The following SLC30A7 variants were observed in gnomAD, a reference collection of about 807,000 sequenced individuals.
SLC30A7 encodes the protein solute carrier family 30 member 7.
In SLC30A7, 35 loss-of-function variants were observed where a neutral mutation model predicts 46.0. The ratio of observed to expected loss-of-function variants is 0.76; its 90% CI spans 0.58 to 1.01. The LOEUF (loss-of-function observed/expected upper bound fraction) is 1.01. Among genes scored for constraint, SLC30A7 ranks in the 50% least tolerant of loss-of-function variants. SLC30A7 has a pLI of 0.00. For missense variants in SLC30A7, 464 were observed against 451.1 expected, an observed-to-expected ratio of 1.03 and a Z score of -0.26; for synonymous variants, 147 against 157.8, an observed-to-expected ratio of 0.93 and a Z score of 0.51.
chr1:100,896,489 G>A, intron 1 of SLC30A7, 81 bp from the exon 2 acceptor site: 1 of 1,434,734 alleles, frequency 7.0e-7, no homozygotes, highest in Non-Finnish European at 9.8e-7. Context: ...GAACTGGGAG[G>A]GTCTTGAAGA....
intron 6 of SLC30A7, among the ~76,000 whole-genome samples, chr1:100,914,409 A>G (rs1203259260): frequency 6.6e-6 from 1 of 152,182 alleles, no homozygotes; most frequent in Non-Finnish European, 1.5e-5. Flanking sequence ...GGAAATGAAA[A>G]TCATAATTTT....
chr1:100,995,193 T>C, the SLC30A7 span: 1 of 1,381,152 alleles, frequency 7.2e-7, no homozygotes, highest in Non-Finnish European at 1.0e-6. Context: ...TTAAAAGCTT[T>C]ATCCAAAACC....
intron 5 of SLC30A7, 140 bp from the exon 6 acceptor site, chr1:100,913,523 T>C (rs532343648): frequency 2.1e-5 from 14 of 655,568 alleles, no homozygotes; most frequent in Non-Finnish European, 3.7e-5. Flanking sequence ...TTTTAACAAA[T>C]GTGTAACACT....
Position 100,896,619 on chromosome 1 carries a change from C to G in SLC30A7, c.130C>G (p.Leu44Val), listed in dbSNP as rs1650960858. The G allele has an allele frequency of 1.2e-6, 2 of 1,614,140 alleles. No homozygotes were observed. The highest frequency in any genetic ancestry group is 4.5e-5 in the East Asian group (2 of 44,882). ...TSRNLFFFLC[L>V]NLSFAFVELL... ...CCGGAACCTGTTTTTCTTCCTGTGC[C>G]TGAACCTCTCTTTCGCTTTTGTGGA... The change falls in exon 2 of 11, where the codon CTG becomes GTG. Residue 44 changes from leucine to valine, a missense_variant. Coordinates refer to ENST00000357650, the MANE Select transcript of SLC30A7 (RefSeq NM_133496.5).
At chr1:100,924,512 C>T (rs1448367411) in intron 8 of SLC30A7, among the ~76,000 whole-genome samples, 4 of 152,244 alleles carry the variant, frequency 2.6e-5, no homozygotes, top group African/African-American at 7.2e-5. Flanking sequence ...GATTCTCTAC[C>T]TCCCAGGCTG....
intron 3 of SLC30A7, among the ~76,000 whole-genome samples, chr1:100,908,361 A>G (rs887211863): frequency 1.3e-5 from 2 of 152,200 alleles, no homozygotes; most frequent in Admixed American, 6.5e-5. Flanking sequence ...AAATGATCTA[A>G]TGATGTAAAA....
At chr1:100,933,257 A>C (rs1439303679) in intron 8 of SLC30A7, among the ~76,000 whole-genome samples, 1 of 151,956 alleles carries the variant, frequency 6.6e-6, no homozygotes, top group East Asian at 1.9e-4. Context: ...TACAGGTGTG[A>C]GCCACCGTGC....
chr1:100,925,088 TTTAAA>T (rs2101037401), intron 8 of SLC30A7, among the ~76,000 whole-genome samples: 2 of 152,378 alleles, frequency 1.3e-5, no homozygotes, highest in South Asian at 4.1e-4. Context: ...GAGTTGCCAC[TTTAAA>T]TTGAGTAGAT....
intron 3 of SLC30A7, 56 bp from the exon 4 acceptor site, chr1:100,911,007 A>G: frequency 3.6e-6 from 5 of 1,373,810 alleles, no homozygotes; most frequent in Non-Finnish European, 5.1e-6. Flanking sequence ...TAATTTTACG[A>G]TTTAATTTTT....
At position 100,965,846 on chromosome 1, in the gene SLC30A7, C is replaced by T. The variant is rs1171180091; in HGVS notation, c.1011C>T (p.Thr337=). Reference sequence around the variant, plus strand: ...TATGTTCTGACGTTTATGTTGGGACCTTGAAATTAATAGTAGCACCTGATG... The same window carrying T: ...TATGTTCTGACGTTTATGTTGGGACTTTGAAATTAATAGTAGCACCTGATG... ...WTLCSDVYVG[T]LKLIVAPDAD... is the part of the protein sequence containing the mutation. Residue 337 remains threonine (T), a synonymous_variant, in exon 10 of 11, where the codon ACC becomes ACT. Coordinates refer to ENST00000357650, the MANE Select transcript of SLC30A7 (RefSeq NM_133496.5). 1 of 1,613,796 alleles carries T rather than the reference C, an allele frequency of 6.2e-7. No individual in the cohort carries two copies. Among genetic ancestry groups the T allele is most frequent in the Non-Finnish European group, 8.5e-7 (1 of 1,179,790 alleles).
At position 100,918,109 on chromosome 1, in the gene SLC30A7, A is replaced by G; in HGVS notation, c.688A>G (p.Ser230Gly). Residue 230 changes from serine to glycine, a missense_variant, in exon 7 of 11, where the codon AGC becomes GGC. Coordinates refer to ENST00000357650, the MANE Select transcript of SLC30A7 (RefSeq NM_133496.5). ...GTCCTTAAAAGAAACAACAGGACCC[A>G]GCAGACAGATTTTACAAGGTATGAC... is the stretch of plus-strand genomic sequence containing the variant. ...GPSLKETTGP[S>G]RQILQGVFLH... is the part of the protein sequence containing the mutation. 2 of 1,612,910 alleles carry G rather than the reference A, an allele frequency of 1.2e-6. No individual in the cohort carries two copies. Among genetic ancestry groups the G allele is most frequent in the Admixed American group, 1.7e-5 (1 of 59,976 alleles).
chr1:100,922,535 T>G (rs1023120315), intron 8 of SLC30A7, among the ~76,000 whole-genome samples: 1 of 152,226 alleles, frequency 6.6e-6, no homozygotes, highest in African/African-American at 2.4e-5. Flanking sequence ...GAACCATTTT[T>G]ATTCATAAAG....
At chr1:100,989,516 A>G in the SLC30A7 span, 2 of 152,328 alleles carry the variant, frequency 1.3e-5, no homozygotes, top group Admixed American at 1.3e-4. Context: ...ATGGAAATGT[A>G]ATCTTTCTAC....
At chr1:100,946,365 G>A (rs1026245656) in intron 8 of SLC30A7, among the ~76,000 whole-genome samples, 8 of 151,996 alleles carry the variant, frequency 5.3e-5, no homozygotes, top group East Asian at 1.9e-4. Flanking sequence ...GTCTTGTGCC[G>A]GTTTTCAAAG....
At chr1:100,958,821 G>T (rs897862778) in intron 8 of SLC30A7, among the ~76,000 whole-genome samples, 2 of 152,172 alleles carry the variant, frequency 1.3e-5, no homozygotes, top group Admixed American at 6.5e-5. Context: ...CAGCTTTCTG[G>T]TTAGAGGGAG....
intron 8 of SLC30A7, among the ~76,000 whole-genome samples, chr1:100,958,195 G>T (rs958392205): frequency 3.4e-5 from 5 of 147,672 alleles, no homozygotes; most frequent in African/African-American, 1.2e-4. Flanking sequence ...TTTTTTTTTT[G>T]AGATGGAGTC....
At chr1:100,902,230 T>G (rs1257868257) in intron 2 of SLC30A7, among the ~76,000 whole-genome samples, 1 of 152,138 alleles carries the variant, frequency 6.6e-6, no homozygotes, top group Non-Finnish European at 1.5e-5. Flanking sequence ...GGGAGTAGTT[T>G]TTCAGGTAGT....
In SLC30A7 at chr1:100,915,264, T is replaced by TCTTC. The variant is rs1426698314; in HGVS notation, c.655+1461_655+1462insCCTT. 2.9e-5 allele frequency among the ~76,000 whole-genome samples: 4 copies of TCTTC among 139,412 alleles called. No individual in the cohort carries two copies. In the Admixed American group the frequency reaches 2.9e-4, roughly 10 times the overall value. 91.5% of individuals were successfully genotyped at this position (139,412 alleles called of 152,430 possible). On this transcript the variant is annotated intron_variant, in intron 6 of 10. Coordinates refer to ENST00000357650, the MANE Select transcript of SLC30A7 (RefSeq NM_133496.5). ...TTCTTTCTTTCTTTCTTCCTTTCTT[T>TCTTC]CTTTCTTTCTACTTTTGCAGTAAGA...
the SLC30A7 span, among the ~76,000 whole-genome samples, chr1:100,988,582 A>C: frequency 6.6e-6 from 1 of 152,212 alleles, no homozygotes; most frequent in Non-Finnish European, 1.5e-5. Context: ...ATAGTGGCTC[A>C]TGCCTGTAAT....
Sources: allele counts gnomAD v4.1 joint callset (sites outside exome capture counted in the v4.1 genomes callset), GRCh38; gene constraint gnomAD v4.1.1; transcripts MANE v1.5; gene names NCBI Gene and HGNC (gene_info 2026-07-23, HGNC 2026-07-21).